FAM222A: variants seen among roughly 807,000 people sequenced by gnomAD.
FAM222A encodes the protein protein FAM222A.
A neutral mutation model predicts 25.8 loss-of-function variants in FAM222A; 7 were observed. The ratio of observed to expected loss-of-function variants is 0.27; its 90% CI spans 0.15 to 0.51. The LOEUF is 0.51. Ranked by LOEUF, FAM222A falls within the 20% of genes least tolerant of loss-of-function variation. The probability of loss-of-function intolerance (pLI) is 0.97; values close to 1 mark genes in which losing one functional copy is unlikely to be tolerated. For synonymous variants in FAM222A, 294 were observed against 298.8 expected, an observed-to-expected ratio of 0.98 and a Z score of 0.17; for missense variants, 573 against 640.5, an observed-to-expected ratio of 0.89 and a Z score of 1.14.
At chr12:109,765,997 T>C (rs1283912876) in intron 2 of FAM222A, among the ~76,000 whole-genome samples, 2 of 152,160 alleles carry the variant, frequency 1.3e-5, no homozygotes, top group Non-Finnish European at 2.9e-5. Context: ...ATTTTACAGA[T>C]GAGGAAGCAG....
At chr12:109,734,477 T>TCCCGGCA (rs1237826953) in intron 1 of FAM222A, 2 of 151,616 alleles carry the variant, frequency 1.3e-5, no homozygotes, top group Non-Finnish European at 2.9e-5. Flanking sequence ...TTCCTGTCTC[T>TCCCGGCA]CCCGGCACCC....
chr12:109,742,831 C>T (rs954707079), intron 1 of FAM222A, among the ~76,000 whole-genome samples: 5 of 151,942 alleles, frequency 3.3e-5, no homozygotes, highest in African/African-American at 7.3e-5. Context: ...ATAATTGCGC[C>T]GTAACAAGGA....
chr12:109,747,802 T>TTAA lies in FAM222A; in HGVS notation c.82+3574_82+3575insTAA, dbSNP rs567487326. ...TACTGAATTATTTTATTGTTCTTAA[T>TTAA]GGTTTTTCAATTTAGGCGCTTGGGT... On this transcript the variant is annotated intron_variant, in intron 2 of 2. Coordinates refer to ENST00000538780, the MANE Select transcript of FAM222A (RefSeq NM_032829.3). 5.5e-3 allele frequency among the ~76,000 whole-genome samples: 843 copies of TTAA among 152,358 alleles called. 10 individuals are homozygous for TTAA. The highest frequency in any genetic ancestry group is 0.019 in the African/African-American group (772 of 41,576).
At chr12:109,745,052 CA>C (rs1888358931) in intron 2 of FAM222A, among the ~76,000 whole-genome samples, 1 of 151,916 alleles carries the variant, frequency 6.6e-6, no homozygotes, top group Non-Finnish European at 1.5e-5. Context: ...TATCTTTAGA[CA>C]AGGGAACATA....
chr12:109,766,377 T>C (rs1395798589), intron 2 of FAM222A, among the ~76,000 whole-genome samples: 5 of 152,194 alleles, frequency 3.3e-5, no homozygotes, highest in East Asian at 3.9e-4. Flanking sequence ...TGTCCACTTA[T>C]AGTGGGGACA....
intron 2 of FAM222A, among the ~76,000 whole-genome samples, chr12:109,764,936 A>G (rs890747590): frequency 1.3e-5 from 2 of 152,178 alleles, no homozygotes; most frequent in Non-Finnish European, 2.9e-5. Flanking sequence ...ACTTAGGAGG[A>G]GGCTGCCCCG....
intron 1 of FAM222A, among the ~76,000 whole-genome samples, chr12:109,743,587 G>A (rs917283910): frequency 6.6e-6 from 1 of 152,232 alleles, no homozygotes; most frequent in African/African-American, 2.4e-5. Context: ...CCCCTCCAGG[G>A]GGGCTATGAG....
intron 2 of FAM222A, among the ~76,000 whole-genome samples, chr12:109,762,177 G>A (rs867769082): frequency 6.6e-6 from 1 of 152,188 alleles, no homozygotes; most frequent in Non-Finnish European, 1.5e-5. Context: ...TCTGGTTACT[G>A]TAGCTGTGTA....
At chr12:109,764,872 C>G (rs1350271435) in intron 2 of FAM222A, among the ~76,000 whole-genome samples, 1 of 152,096 alleles carries the variant, frequency 6.6e-6, no homozygotes, top group Non-Finnish European at 1.5e-5. Context: ...GAGAAAGATT[C>G]CCCCGTTGGC....
rs1316455230 is a variant in FAM222A at position 109,768,725 on chromosome 12, G to A, written c.796G>A (p.Ala266Thr). The change falls in exon 3 of 3, where the codon GCC becomes ACC. Residue 266 changes from alanine to threonine, a missense_variant. Ala to Thr is a moderately conservative substitution (Grantham distance 58). Transcript: ENST00000538780. ...TGAGCTGGGCCAGGGAGCCACCCAA[G>A]CCTTGACGTTGGCTGGGGCCGCCAA... ...GTELGQGATQ[A>T]LTLAGAAKPA... 31 of 1,579,584 alleles carry A rather than the reference G, an allele frequency of 2.0e-5. No individual in the cohort carries two copies. The highest frequency in any genetic ancestry group is 2.7e-5 in the Non-Finnish European group (31 of 1,167,514).
chr12:109,717,210 C>T (rs780613471), intron 1 of FAM222A, among the ~76,000 whole-genome samples: 1 of 152,212 alleles, frequency 6.6e-6, no homozygotes, highest in African/African-American at 2.4e-5. Context: ...TACAGGTCAG[C>T]GTTGAGTAGA....
chr12:109,723,646 G>A (rs1477560030), intron 1 of FAM222A, among the ~76,000 whole-genome samples: 1 of 152,236 alleles, frequency 6.6e-6, no homozygotes, highest in Non-Finnish European at 1.5e-5. Context: ...CTGCCTGGCT[G>A]TGCTCCCACT....
At chr12:109,746,669 ACAATT>A (rs1393436384) in intron 2 of FAM222A, among the ~76,000 whole-genome samples, 1 of 152,212 alleles carries the variant, frequency 6.6e-6, no homozygotes, top group Non-Finnish European at 1.5e-5. Context: ...TTTGGAGTGT[ACAATT>A]CAATGATTTT....
chr12:109,727,232 C>T (rs1887860457), intron 1 of FAM222A, among the ~76,000 whole-genome samples: 1 of 152,082 alleles, frequency 6.6e-6, no homozygotes, highest in Non-Finnish European at 1.5e-5. Context: ...GCCGGGCGGC[C>T]AGCAGAGTGG....
At chr12:109,742,849 G>T (rs1888282434) in intron 1 of FAM222A, among the ~76,000 whole-genome samples, 1 of 152,102 alleles carries the variant, frequency 6.6e-6, no homozygotes, top group Non-Finnish European at 1.5e-5. Flanking sequence ...GGAGCTTGTT[G>T]TGAAATTAGT....
chr12:109,757,595 T>G (rs1888769912), intron 2 of FAM222A, among the ~76,000 whole-genome samples: 1 of 151,958 alleles, frequency 6.6e-6, no homozygotes, highest in African/African-American at 2.4e-5. Context: ...TGATGGAGAA[T>G]ATAATCCCCA....
chr12:109,720,066 G>C, intron 1 of FAM222A: 2 of 984,346 alleles, frequency 2.0e-6, no homozygotes, highest in Non-Finnish European at 2.4e-6. Flanking sequence ...GCTTGCATGT[G>C]CATAGTGCTT....
At position 109,753,400 on chromosome 12, in the gene FAM222A, A is replaced by G. The variant is rs77353041; in HGVS notation, c.82+9172A>G. Among the ~76,000 whole-genome samples, 749 of 152,300 alleles carry G rather than the reference A, an allele frequency of 4.9e-3. 7 individuals carry two copies. The highest frequency in any genetic ancestry group is 0.017 in the African/African-American group (713 of 41,556). ...AGGCTTTGGGACTGTCTAAGGGTCAAATACAGAGAGTGCCCTGATGGGGGT... is the reference window on the plus strand; with the variant it reads ...AGGCTTTGGGACTGTCTAAGGGTCAGATACAGAGAGTGCCCTGATGGGGGT... On this transcript the variant is annotated intron_variant, in intron 2 of 2. Coordinates refer to ENST00000538780, the MANE Select transcript of FAM222A (RefSeq NM_032829.3).
intron 1 of FAM222A, among the ~76,000 whole-genome samples, chr12:109,743,289 G>A (rs968948761): frequency 3.3e-5 from 5 of 152,212 alleles, no homozygotes; most frequent in African/African-American, 7.2e-5. Flanking sequence ...CTCCTGAAAC[G>A]TTCTCTGCAG....
Sources: allele counts gnomAD v4.1 joint callset (sites outside exome capture counted in the v4.1 genomes callset), GRCh38; gene constraint gnomAD v4.1.1; transcripts MANE v1.5; gene names NCBI Gene and HGNC (gene_info 2026-07-23, HGNC 2026-07-21).